The following KCTD15 variants were observed in gnomAD, a reference collection of about 807,000 sequenced individuals.
The protein encoded by KCTD15 is potassium channel tetramerization domain containing 15.
A neutral mutation model predicts 27.2 loss-of-function variants in KCTD15; 11 were observed. The ratio of observed to expected loss-of-function variants is 0.41; its 90% confidence interval spans 0.25 to 0.67. KCTD15 has a LOEUF of 0.67. Among genes scored for constraint, KCTD15 ranks in the 30% least tolerant of loss-of-function variants. The pLI, the probability that KCTD15 is intolerant of heterozygous loss-of-function variation, is 0.35. For synonymous variants in KCTD15, 163 were observed against 176.0 expected (o/e 0.93, Z 0.58); for missense variants, 350 against 409.3 (o/e 0.86, Z 1.25).
chr19:33,804,899 C>A (rs529925709), intron 4 of KCTD15, among the ~76,000 whole-genome samples: 1 of 152,298 alleles, frequency 6.6e-6, no homozygotes, highest in South Asian at 2.1e-4. Flanking sequence ...TCTGACCTCC[C>A]CATGCCCATC....
chr19:33,806,746 T>A lies in KCTD15; in HGVS notation c.243-117T>A. On this transcript the variant is annotated intron_variant, in intron 4 of 6. Transcript: ENST00000683859. The stretch of plus-strand genomic sequence containing the variant: ...CCTGGAACAGTTCCAGAGTCACCCA[T>A]GTCAGGTCCCTCGCCCCTCCAGCCG... 2.6e-6 allele frequency: 3 copies of A among 1,165,104 alleles called. No individual in the cohort carries two copies. In the South Asian group the frequency reaches 4.3e-5, roughly 17 times the overall value. 72.2% of individuals were successfully genotyped at this position (1,165,104 alleles called of 1,614,324 possible). A position where few individuals can be genotyped will look rare whatever the true frequency, so the allele number is the denominator to read the frequency against.
intron 4 of KCTD15, among the ~76,000 whole-genome samples, chr19:33,803,582 G>A (rs1030744122): frequency 3.9e-5 from 6 of 152,040 alleles, no homozygotes; most frequent in Non-Finnish European, 7.4e-5. Context: ...GGAGAGTCTC[G>A]TGCTGGGTGA....
upstream of KCTD15, among the ~76,000 whole-genome samples, chr19:33,794,761 T>C (rs1453550741): frequency 6.6e-6 from 1 of 152,250 alleles, no homozygotes; most frequent in African/African-American, 2.4e-5. Context: ...CTTGCTTCAC[T>C]TTCTATTTGT....
At chr19:33,807,097 T>A (rs1975736939) in intron 5 of KCTD15, 90 bp downstream of exon 5, 46 of 1,419,510 alleles carry the variant, frequency 3.2e-5, no homozygotes, top group Non-Finnish European at 3.6e-5. Context: ...CCCCTGGTTG[T>A]CATGGTAACC....
At chr19:33,795,773 A>G (rs1975301184), upstream of KCTD15, among the ~76,000 whole-genome samples, 2 of 150,720 alleles carry the variant, frequency 1.3e-5, no homozygotes. Flanking sequence ...CGGGGCGCGG[A>G]CCTCGGCCGC....
At chr19:33,810,332 T>C (rs1975853802) in intron 5 of KCTD15, among the ~76,000 whole-genome samples, 1 of 152,232 alleles carries the variant, frequency 6.6e-6, no homozygotes, top group Non-Finnish European at 1.5e-5. Context: ...ACCAGGCACT[T>C]GGCACATCTT....
At chr19:33,804,197 G>A (rs535085898) in intron 4 of KCTD15, among the ~76,000 whole-genome samples, 1 of 152,348 alleles carries the variant, frequency 6.6e-6, no homozygotes, top group South Asian at 2.1e-4. Flanking sequence ...GGGCATGAAA[G>A]GCCTCTGTCC....
chr19:33,815,026 G>A lies in KCTD15; in HGVS notation c.*2078G>A, dbSNP rs905375721. On this transcript the variant is annotated 3_prime_UTR_variant, in exon 7 of 7. Coordinates refer to ENST00000683859, the MANE Select transcript of KCTD15 (RefSeq NM_001129994.2). ...ATCTGAGGCTCCCATCTGAGTGGAG[G>A]AGAAAGTGTTGTGTTTATTAGCAGG... The A allele has an allele frequency of 6.6e-6, 1 of 152,234 alleles. No individual in the cohort carries two copies. The highest frequency in any genetic ancestry group is 2.4e-5 in the African/African-American group (1 of 41,450). The allele number at this position is 152,234 out of a possible 1,614,324, so 9.4% of individuals were successfully genotyped here.
intron 3 of KCTD15, 77 bp downstream of exon 3, chr19:33,800,597 GTCCTTCCTT>G: frequency 1.5e-6 from 2 of 1,325,008 alleles, no homozygotes; most frequent in Non-Finnish European, 2.1e-6. Context: ...TTTACTGGCT[GTCCTTCCTT>G]GGGACCATGA....
At position 33,812,838 on chromosome 19, in the gene KCTD15, G is replaced by C; in HGVS notation, c.742G>C (p.Gly248Arg). 1 of 1,528,934 alleles carries C rather than the reference G, an allele frequency of 6.5e-7. No homozygotes were observed. Among genetic ancestry groups the C allele is most frequent in the Non-Finnish European group, 8.8e-7 (1 of 1,135,766 alleles). The allele number at this position is 1,528,934 out of a possible 1,614,324, so 94.7% of individuals were successfully genotyped here. A position where few individuals can be genotyped will look rare whatever the true frequency, so the allele number is the denominator to read the frequency against. The change falls in exon 7 of 7, where the codon GGG (glycine) becomes CGG (arginine). Residue 248 changes from glycine (G) to arginine (R), a missense_variant. Around this residue, in one of 3 missense-constraint regions of KCTD15, gnomAD observed 219 missense variants for 234.9 expected, o/e 0.93. Transcript: ENST00000683859. ...QRGFSVAASC[G>R]GGVDSSQFSE... is the part of the protein sequence containing the mutation. ...GGGTTTCAGCGTGGCTGCGTCCTGTGGGGGCGGTGTGGACTCCTCCCAGTT... is the reference window on the plus strand; with the variant it reads ...GGGTTTCAGCGTGGCTGCGTCCTGTCGGGGCGGTGTGGACTCCTCCCAGTT...
chr19:33,803,739 T>C (rs1975632516), intron 4 of KCTD15, among the ~76,000 whole-genome samples: 1 of 151,970 alleles, frequency 6.6e-6, no homozygotes, highest in African/African-American at 2.4e-5. Context: ...ACAGCCACAC[T>C]CTGACATCCA....
Position 33,815,642 on chromosome 19 carries a change from G to A in KCTD15, c.*2694G>A, listed in dbSNP as rs1037692593. Reference sequence around the variant, plus strand: ...TCTCAGCCACCGTCCCGCTCACAGGGGCCCAATGCCAGGTCACAACACTAA... The same window carrying A: ...TCTCAGCCACCGTCCCGCTCACAGGAGCCCAATGCCAGGTCACAACACTAA... On this transcript the variant is annotated 3_prime_UTR_variant, in exon 7 of 7. Transcript: ENST00000683859. 2 of 151,312 alleles carry A rather than the reference G, an allele frequency of 1.3e-5. No individual in the cohort carries two copies. The highest frequency in any genetic ancestry group is 2.9e-5 in the Non-Finnish European group (2 of 67,992). 9.4% of individuals were successfully genotyped at this position (151,312 alleles called of 1,614,324 possible).
chr19:33,802,639 C>T (rs146429343), intron 4 of KCTD15, among the ~76,000 whole-genome samples: 34 of 152,064 alleles, frequency 2.2e-4, no homozygotes, highest in African/African-American at 8.0e-4. Flanking sequence ...ACAAGAGCCA[C>T]GGGGCCAGGT....
chr19:33,801,395 GTA>G, intron 4 of KCTD15, 53 bp downstream of exon 4: 1 of 1,470,914 alleles, frequency 6.8e-7, no homozygotes, highest in Non-Finnish European at 9.2e-7. Context: ...GGCAGCATCT[GTA>G]ATCTGCTGCC....
chr19:33,794,773 T>A (rs1206918258), upstream of KCTD15, among the ~76,000 whole-genome samples: 1 of 152,258 alleles, frequency 6.6e-6, no homozygotes, highest in Non-Finnish European at 1.5e-5. Context: ...TCTATTTGTG[T>A]CTGGTCCCTC....
At chr19:33,807,699 G>A (rs1051441398) in intron 5 of KCTD15, among the ~76,000 whole-genome samples, 2 of 152,252 alleles carry the variant, frequency 1.3e-5, no homozygotes, top group East Asian at 1.9e-4. Context: ...TAGCCTGGGC[G>A]ACAGAGCAAG....
At chr19:33,797,711 GC>G (rs1975386994) in intron 1 of KCTD15, among the ~76,000 whole-genome samples, 1 of 152,168 alleles carries the variant, frequency 6.6e-6, no homozygotes, top group South Asian at 2.1e-4. Context: ...TCTTCCGGCG[GC>G]CCCCACCCGC....
Position 33,813,302 on chromosome 19 carries a change from C to T in KCTD15, c.*354C>T. On this transcript the variant is annotated 3_prime_UTR_variant, in exon 7 of 7. Coordinates refer to ENST00000683859, the MANE Select transcript of KCTD15 (RefSeq NM_001129994.2). ...GCTACTTCAGAGGAGCTGTTTATCC[C>T]TCTCCACGCGGGGCAGACTCTGGCG... is the stretch of plus-strand genomic sequence containing the variant. 1 of 550,816 alleles carries T rather than the reference C, an allele frequency of 1.8e-6. No individual in the cohort carries two copies. The highest frequency in any genetic ancestry group is 1.5e-5 in the South Asian group (1 of 65,042). The allele number at this position is 550,816 out of a possible 1,614,324, so 34.1% of individuals were successfully genotyped here.
At chr19:33,810,319 T>C (rs1975853134) in intron 5 of KCTD15, among the ~76,000 whole-genome samples, 1 of 152,252 alleles carries the variant, frequency 6.6e-6, no homozygotes, top group Admixed American at 6.5e-5. Context: ...GGGCAGGGGC[T>C]GGACCAGGCA....
Sources: allele counts gnomAD v4.1 joint callset (sites outside exome capture counted in the v4.1 genomes callset), GRCh38; gene constraint gnomAD v4.1.1; regional missense constraint gnomAD v4.1.1; transcripts MANE v1.5; gene names NCBI Gene and HGNC (gene_info 2026-07-23, HGNC 2026-07-21).